TENM1: variants seen among roughly 807,000 people sequenced by gnomAD.
TENM1 encodes teneurin transmembrane protein 1, also known as teneurin-1.
In TENM1, 35 loss-of-function variants were observed where a neutral mutation model predicts 174.8. The observed-to-expected ratio is 0.20, with a 90% CI of 0.15 to 0.27. TENM1 has a LOEUF of 0.27. Ranked by LOEUF, TENM1 falls within the 10% of genes least tolerant of loss-of-function variation. The probability of loss-of-function intolerance (pLI) is 1.00; values close to 1 mark genes in which losing one functional copy is unlikely to be tolerated. For missense variants in TENM1, 1,633 were observed against 2,130.1 expected, an observed-to-expected ratio of 0.77 and a Z score of 4.59; for synonymous variants, 781 against 798.7, an observed-to-expected ratio of 0.98 and a Z score of 0.37.
At chrX:124,699,536 C>T (rs960552238) in intron 5 of TENM1, among the ~76,000 whole-genome samples, 3 of 110,821 alleles carry the variant, frequency 2.7e-5, no homozygotes, top group African/African-American at 9.8e-5. Context: ...TAAATACATT[C>T]TGGAGTTCTA....
intron 23 of TENM1, among the ~76,000 whole-genome samples, chrX:124,430,637 G>A (rs2060770042): frequency 1.8e-5 from 2 of 111,704 alleles, no homozygotes; most frequent in Non-Finnish European, 3.8e-5. Context: ...TCTGTTCCTT[G>A]GCTAGTTCAT....
intron 25 of TENM1, among the ~76,000 whole-genome samples, chrX:124,414,131 T>C (rs1167377471): frequency 9.0e-6 from 1 of 111,448 alleles, no homozygotes; most frequent in Admixed American, 9.6e-5. Flanking sequence ...GTTTTCTTGA[T>C]GGGAGGAGAG....
At chrX:124,861,736 C>A (rs965330016) in intron 3 of TENM1, among the ~76,000 whole-genome samples, 5 of 112,143 alleles carry the variant, frequency 4.5e-5, no homozygotes, top group Non-Finnish European at 7.5e-5. Flanking sequence ...TTATATGAAT[C>A]GACCTATTTG....
chrX:124,862,504 T>C (rs2056931559), intron 3 of TENM1, among the ~76,000 whole-genome samples: 1 of 111,340 alleles, frequency 9.0e-6, no homozygotes, highest in Non-Finnish European at 1.9e-5. Context: ...AGTGCTGAAC[T>C]GTTTGTTAGA....
At chrX:124,886,728 GTTTT>G (rs74314491) in intron 3 of TENM1, among the ~76,000 whole-genome samples, 2 of 77,854 alleles carry the variant, frequency 2.6e-5, no homozygotes, top group African/African-American at 9.2e-5. Context: ...TGTAGTGAAG[GTTTT>G]TTTTTTTTTT....
At chrX:125,160,214 AAAAAAGAAAAAAG>A in the TENM1 span, among the ~76,000 whole-genome samples, 1 of 105,298 alleles carries the variant, frequency 9.5e-6, no homozygotes, top group Admixed American at 1.0e-4. Flanking sequence ...TGAAAAAAAA[AAAAAAGAAAAAAG>A]AAAAAGAAAA....
chrX:124,457,300 T>C (rs1287240686), intron 22 of TENM1, among the ~76,000 whole-genome samples: 2 of 112,080 alleles, frequency 1.8e-5, no homozygotes, highest in Non-Finnish European at 3.8e-5. Flanking sequence ...CCTGGAAGTG[T>C]GAATGGTGCT....
intron 3 of TENM1, among the ~76,000 whole-genome samples, chrX:124,827,942 T>C (rs1485329882): frequency 1.8e-5 from 2 of 111,516 alleles, no homozygotes; most frequent in Non-Finnish European, 3.8e-5. Flanking sequence ...ACACTGCAGG[T>C]CAATCCTTTA....
intron 22 of TENM1, among the ~76,000 whole-genome samples, chrX:124,466,738 G>A (rs1327338215): frequency 9.0e-6 from 1 of 111,074 alleles, no homozygotes; most frequent in Non-Finnish European, 1.9e-5. Context: ...CACTCTCCCT[G>A]GAAATGTCCC....
intron 11 of TENM1, among the ~76,000 whole-genome samples, chrX:124,641,516 C>G (rs2148371230): frequency 9.0e-6 from 1 of 111,305 alleles, no homozygotes; most frequent in Non-Finnish European, 1.9e-5. Context: ...ATAGAACTGA[C>G]AGTAGGAGAC....
rs375476919 is a variant in TENM1 at position 124,560,191 on chromosome X, TTGTGTGTGTGTGTGTG to T, written c.2434+1464_2434+1479del. On this transcript the variant is annotated intron_variant, in intron 14 of 31. Coordinates refer to ENST00000422452, the Ensembl canonical transcript of TENM1. Reference sequence around the variant, plus strand: ...CTCTTCAGAAAATAGTCTCTTCTATTTGTGTGTGTGTGTGTGTGTGTGTGTGTGTGTGTGTGTGTGT... The same window carrying T: ...CTCTTCAGAAAATAGTCTCTTCTATTTGTGTGTGTGTGTGTGTGTGTGTGT... Among the ~76,000 whole-genome samples the T allele has an allele frequency of 5.0e-3, 442 of 88,204 alleles. 5 individuals carry two copies. Among genetic ancestry groups the T allele is most frequent in the African/African-American group, 0.017 (411 of 23,769 alleles). The allele number at this position is 88,204 out of a possible 115,157, so 76.6% of individuals were successfully genotyped here. A position where few individuals can be genotyped will look rare whatever the true frequency, so the allele number is the denominator to read the frequency against.
Position 124,963,534 on chromosome X carries a change from T to C in TENM1, c.217+3A>G, listed in dbSNP as rs1472225170. 5.9e-6 allele frequency: 7 copies of C among 1,184,633 alleles called. No homozygotes were observed. Among genetic ancestry groups the C allele is most frequent in the Non-Finnish European group, 8.0e-6 (7 of 872,783 alleles). On this transcript the variant is annotated splice_donor_region_variant and intron_variant, in intron 1 of 31. Coordinates refer to ENST00000422452, the Ensembl canonical transcript of TENM1. ...TTGTTATAAAGATCCAATAAAAACATACCTTGAGTAGATTTTTCTACTTCT... is the reference window on the plus strand; with the variant it reads ...TTGTTATAAAGATCCAATAAAAACACACCTTGAGTAGATTTTTCTACTTCT...
At chrX:124,822,928 C>T (rs749381192) in intron 3 of TENM1, among the ~76,000 whole-genome samples, 1 of 112,026 alleles carries the variant, frequency 8.9e-6, no homozygotes, top group Non-Finnish European at 1.9e-5. Context: ...TCTTATGTTT[C>T]CAGAATTTCA....
intron 4 of TENM1, among the ~76,000 whole-genome samples, chrX:124,731,063 T>C (rs767299420): frequency 2.7e-4 from 30 of 111,232 alleles, no homozygotes; most frequent in Non-Finnish European, 2.8e-4. Flanking sequence ...GGTGCCAAAA[T>C]AAAGGGATGA....
intron 3 of TENM1, among the ~76,000 whole-genome samples, chrX:124,804,688 A>G (rs2055546774): frequency 8.9e-6 from 1 of 112,008 alleles, no homozygotes; most frequent in African/African-American, 3.2e-5. Flanking sequence ...CCACAAGAAG[A>G]TGAAAAAATA....
chrX:124,513,700 G>A (rs2047635128), intron 18 of TENM1, among the ~76,000 whole-genome samples: 1 of 111,724 alleles, frequency 9.0e-6, no homozygotes, highest in Admixed American at 9.5e-5. Context: ...TTCCTTCTTT[G>A]TTTATTTAGA....
chrX:124,725,886 T>C (rs952474393), intron 4 of TENM1, among the ~76,000 whole-genome samples: 8 of 112,545 alleles, frequency 7.1e-5, no homozygotes, highest in African/African-American at 1.3e-4. Context: ...GACATGGTAA[T>C]GGAAATATTT....
intron 3 of TENM1, among the ~76,000 whole-genome samples, chrX:124,824,635 C>G (rs1049709770): frequency 9.0e-6 from 1 of 111,657 alleles, no homozygotes; most frequent in Non-Finnish European, 1.9e-5. Context: ...ATTTAGTTTC[C>G]AAGATGTTAA....
the TENM1 span, among the ~76,000 whole-genome samples, chrX:125,162,665 T>C: frequency 8.9e-6 from 1 of 112,017 alleles, no homozygotes; most frequent in South Asian, 3.7e-4. Context: ...GTTCAATCCA[T>C]TTTATATTGT....
Sources: allele counts gnomAD v4.1 joint callset (sites outside exome capture counted in the v4.1 genomes callset), GRCh38; gene constraint gnomAD v4.1.1; transcripts MANE v1.5; gene names NCBI Gene and HGNC (gene_info 2026-07-23, HGNC 2026-07-21).